RDX: variants seen among roughly 807,000 people sequenced by gnomAD.
RDX encodes deafness, autosomal recessive 24.
A neutral mutation model predicts 83.7 loss-of-function variants in RDX; 32 were observed. The ratio of observed to expected loss-of-function variants is 0.38; its 90% CI spans 0.29 to 0.51. The LOEUF is 0.51. Among genes scored for constraint, RDX ranks in the 20% least tolerant of loss-of-function variants. The probability of loss-of-function intolerance (pLI) is 0.87; values close to 1 mark genes in which losing one functional copy is unlikely to be tolerated. For synonymous variants in RDX, 229 were observed against 222.7 expected (o/e 1.03, Z -0.25); for missense variants, 600 against 689.9 (o/e 0.87, Z 1.46).
chr11:110,241,649 C>T (rs769739808), intron 10 of RDX, among the ~76,000 whole-genome samples: 9 of 152,174 alleles, frequency 5.9e-5, no homozygotes, highest in Non-Finnish European at 1.2e-4. Context: ...TATAAAACAA[C>T]ACCCACAAAG....
At chr11:110,199,757 C>T (rs1018254548) in intron 14 of RDX, 1 of 702,026 alleles carries the variant, frequency 1.4e-6, no homozygotes, top group Non-Finnish European at 2.6e-6. Context: ...AGGCTGACTA[C>T]TTGCTCAGCA....
intron 5 of RDX, among the ~76,000 whole-genome samples, chr11:110,261,557 T>C (rs1297082944): frequency 6.6e-6 from 1 of 152,174 alleles, no homozygotes; most frequent in Non-Finnish European, 1.5e-5. Context: ...AGAAAAAGTG[T>C]CCGATATACC....
chr11:110,295,582 ATT>A (rs1861416256), intron 1 of RDX, among the ~76,000 whole-genome samples: 2 of 147,132 alleles, frequency 1.4e-5, no homozygotes, highest in African/African-American at 5.0e-5. Flanking sequence ...ACCACCAAAT[ATT>A]GGGAATGTCT....
intron 15 of RDX, among the ~76,000 whole-genome samples, chr11:110,186,569 T>C (rs57586813): frequency 0.058 from 8,833 of 151,552 alleles, 859 homozygotes; most frequent in African/African-American, 0.2. Flanking sequence ...ACAAAAGACA[T>C]CCCAGATCCC....
At chr11:110,243,027 A>G (rs1186582252) in intron 10 of RDX, among the ~76,000 whole-genome samples, 1 of 152,216 alleles carries the variant, frequency 6.6e-6, no homozygotes, top group Non-Finnish European at 1.5e-5. Flanking sequence ...CATCACTGGT[A>G]ATCAAGAAAA....
At chr11:110,293,850 A>AT (rs1170401951) in intron 1 of RDX, among the ~76,000 whole-genome samples, 2 of 152,218 alleles carry the variant, frequency 1.3e-5, no homozygotes, top group Non-Finnish European at 2.9e-5. Flanking sequence ...AATAAAACAG[A>AT]TTTTTTTAGA....
downstream of RDX, among the ~76,000 whole-genome samples, chr11:110,227,358 G>A (rs1864468586): frequency 6.6e-6 from 1 of 152,028 alleles, no homozygotes; most frequent in Non-Finnish European, 1.5e-5. Context: ...TACTGATTTA[G>A]TAAGTAAAAA....
intron 14 of RDX, chr11:110,199,815 G>A (rs1490709247): frequency 1.5e-6 from 1 of 657,732 alleles, no homozygotes; most frequent in African/African-American, 1.8e-5. Context: ...TGTAGGGCCT[G>A]TTATTGTCAA....
chr11:110,229,734 C>T lies in RDX; in HGVS notation c.*2135G>A, dbSNP rs1864551470. 1 of 152,378 alleles carries T rather than the reference C, an allele frequency of 6.6e-6. No individual in the cohort carries two copies. Among genetic ancestry groups the T allele is most frequent in the Non-Finnish European group, 1.5e-5 (1 of 67,908 alleles). The allele number at this position is 152,378 out of a possible 1,614,324, so 9.4% of individuals were successfully genotyped here. A position where few individuals can be genotyped will look rare whatever the true frequency, so the allele number is the denominator to read the frequency against. The stretch of plus-strand genomic sequence containing the variant: ...TTAAATCCATTTTAATCCTAATCTA[C>T]AAATAGATCATAAACAGCAAAATAT... On this transcript the variant is annotated 3_prime_UTR_variant, in exon 14 of 14. Coordinates refer to ENST00000645495, the MANE Select transcript of RDX (RefSeq NM_002906.4).
At chr11:110,226,024 T>C (rs1356044353), downstream of RDX, among the ~76,000 whole-genome samples, 1 of 139,974 alleles carries the variant, frequency 7.1e-6, no homozygotes. Context: ...CAAAATCGCA[T>C]CACTGCACTC....
rs746996085 is a variant in RDX at position 110,257,831 on chromosome 11, T to C, written c.634A>G (p.Lys212Glu). Residue 212 changes from lysine (K) to glutamate (E), a missense_variant, in exon 7 of 14, where the codon AAA becomes GAA. Coordinates refer to ENST00000645495, the MANE Select transcript of RDX (RefSeq NM_002906.4). ...GVNYFEIKNKKGTELWLGVDA... is the reference protein window; with the variant it reads ...GVNYFEIKNKEGTELWLGVDA... ...ACACCTAGCCACAATTCAGTTCCTT[T>C]TTTATTTTTTATTTCAAAATAGTTG... 1 of 1,612,856 alleles carries C rather than the reference T, an allele frequency of 6.2e-7. No individual in the cohort carries two copies. Among genetic ancestry groups the C allele is most frequent in the Non-Finnish European group, 8.5e-7 (1 of 1,179,480 alleles).
chr11:110,216,164 C>A lies in RDX; in HGVS notation c.1748+15709G>T, dbSNP rs544464165. ...CTGTGATCTGGCTGTTCCTCAACTT[C>A]CTCTCACACATCACTCTCCTCCGGG... is the stretch of plus-strand genomic sequence containing the variant. On this transcript the variant is annotated intron_variant, in intron 14 of 15. Coordinates refer to the RDX transcript ENST00000528498. 4.6e-5 allele frequency among the ~76,000 whole-genome samples: 7 copies of A among 152,220 alleles called. No homozygotes were observed. The East Asian group carries it at 1.2e-3, about 25-fold the overall frequency.
At chr11:110,227,583 AT>A (rs892929238), downstream of RDX, among the ~76,000 whole-genome samples, 3 of 152,184 alleles carry the variant, frequency 2.0e-5, no homozygotes, top group African/African-American at 7.2e-5. Flanking sequence ...TGGCATTGCC[AT>A]TTTAAAAGAA....
chr11:110,242,183 T>G (rs1391832310), intron 10 of RDX, among the ~76,000 whole-genome samples: 1 of 152,176 alleles, frequency 6.6e-6, no homozygotes, highest in Non-Finnish European at 1.5e-5. Flanking sequence ...CCGGGCACGG[T>G]GGCTCATGCC....
intron 14 of RDX, among the ~76,000 whole-genome samples, chr11:110,220,914 C>T (rs1864223841): frequency 7.0e-6 from 1 of 143,560 alleles, no homozygotes; most frequent in South Asian, 2.2e-4. Context: ...GTTGAAAAAG[C>T]AGGGAAATTT....
intron 9 of RDX, 196 bp downstream of exon 9, chr11:110,253,750 T>G (rs1591154324): frequency 1.7e-6 from 1 of 576,244 alleles, no homozygotes; most frequent in Non-Finnish European, 3.0e-6. Context: ...TTCTTCGAGA[T>G]ATGTGTCAAA....
intron 12 of RDX, among the ~76,000 whole-genome samples, chr11:110,235,168 A>C (rs374515335): frequency 1.3e-5 from 2 of 152,136 alleles, no homozygotes; most frequent in African/African-American, 4.8e-5. Context: ...CCTGGGTTAC[A>C]CAGCAAGACC....
At chr11:110,188,619 C>T (rs963242156) in intron 15 of RDX, among the ~76,000 whole-genome samples, 1 of 152,084 alleles carries the variant, frequency 6.6e-6, no homozygotes. Flanking sequence ...AGAACTTATT[C>T]GTGTAACCAA....
chr11:110,248,556 A>T (rs1859206724), intron 9 of RDX, among the ~76,000 whole-genome samples: 1 of 152,202 alleles, frequency 6.6e-6, no homozygotes, highest in Non-Finnish European at 1.5e-5. Context: ...ATAACTGTCA[A>T]ATATATATTC....
Sources: gnomAD v4.1 joint callset for allele counts (sites outside exome capture counted in the v4.1 genomes callset) on GRCh38, gnomAD v4.1.1 for gene constraint, MANE v1.5 for transcripts, NCBI Gene and HGNC (gene_info 2026-07-23, HGNC 2026-07-21) for gene names.